Variants in CHST8 observed in about 807,000 individuals in gnomAD.
CHST8 encodes the protein carbohydrate sulfotransferase 8.
CHST8 carries 10 observed loss-of-function variants against 15.0 expected under a neutral mutation model. The observed-to-expected ratio is 0.67, with a 90% confidence interval of 0.41 to 1.13. CHST8 has a LOEUF of 1.13. Ranked by LOEUF, CHST8 falls within the 50% of genes most tolerant of loss-of-function variation. The probability of loss-of-function intolerance (pLI) is 0.00; values close to 1 mark genes in which losing one functional copy is unlikely to be tolerated. For synonymous variants in CHST8, 259 were observed against 256.6 expected, an observed-to-expected ratio of 1.01 and a Z score of -0.09; for missense variants, 634 against 608.2, an observed-to-expected ratio of 1.04 and a Z score of -0.45.
At chr19:33,629,480 C>T (rs1447808688) in intron 1 of CHST8, among the ~76,000 whole-genome samples, 1 of 152,266 alleles carries the variant, frequency 6.6e-6, no homozygotes, top group African/African-American at 2.4e-5. Flanking sequence ...CCGCAGTGCC[C>T]TCTGATGTTG....
intron 3 of CHST8, among the ~76,000 whole-genome samples, chr19:33,697,886 T>C (rs1256585339): frequency 6.6e-6 from 1 of 152,230 alleles, no homozygotes; most frequent in Non-Finnish European, 1.5e-5. Flanking sequence ...CAGCCGGCCC[T>C]GGGCCCAGCA....
chr19:33,726,639 G>A (rs771281991), intron 3 of CHST8, among the ~76,000 whole-genome samples: 6 of 152,164 alleles, frequency 3.9e-5, no homozygotes, highest in Non-Finnish European at 8.8e-5. Flanking sequence ...GGATGGGGCT[G>A]GATCGGTGTC....
At chr19:33,693,115 T>C (rs1038572879) in intron 3 of CHST8, among the ~76,000 whole-genome samples, 1 of 151,760 alleles carries the variant, frequency 6.6e-6, no homozygotes, top group Admixed American at 6.6e-5. Flanking sequence ...CAAGCAATTC[T>C]CCGGCCTCAG....
At chr19:33,761,581 T>G (rs925191135) in intron 3 of CHST8, among the ~76,000 whole-genome samples, 1 of 151,926 alleles carries the variant, frequency 6.6e-6, no homozygotes, top group Admixed American at 6.6e-5. Context: ...TACACCCGCC[T>G]CAGCCTCCCA....
At chr19:33,731,731 A>G (rs1973997512) in intron 3 of CHST8, among the ~76,000 whole-genome samples, 1 of 152,232 alleles carries the variant, frequency 6.6e-6, no homozygotes, top group Non-Finnish European at 1.5e-5. Flanking sequence ...GTTTTCGTGT[A>G]TGCAAACAAT....
At chr19:33,648,447 G>A (rs1456243117) in intron 1 of CHST8, among the ~76,000 whole-genome samples, 1 of 152,076 alleles carries the variant, frequency 6.6e-6, no homozygotes, top group Non-Finnish European at 1.5e-5. Context: ...CTATACATTT[G>A]CCTATTCTGG....
At chr19:33,714,482 T>G (rs115639610) in intron 3 of CHST8, among the ~76,000 whole-genome samples, 5,480 of 152,156 alleles carry the variant, frequency 0.036, 311 homozygotes, top group African/African-American at 0.12. Flanking sequence ...TGATAGACAT[T>G]GGAGACTCAA....
intron 3 of CHST8, among the ~76,000 whole-genome samples, chr19:33,694,272 T>C (rs979220941): frequency 6.9e-6 from 1 of 144,684 alleles, no homozygotes; most frequent in African/African-American, 2.6e-5. Context: ...TTCGTTCTTT[T>C]AATGTTTGGC....
At chr19:33,740,026 A>C (rs1292946281) in intron 3 of CHST8, among the ~76,000 whole-genome samples, 1 of 152,172 alleles carries the variant, frequency 6.6e-6, no homozygotes, top group Non-Finnish European at 1.5e-5. Flanking sequence ...TTTCCATACT[A>C]CTTTTTAAAA....
At chr19:33,716,124 A>G (rs937046418) in intron 3 of CHST8, among the ~76,000 whole-genome samples, 18 of 152,110 alleles carry the variant, frequency 1.2e-4, no homozygotes, top group African/African-American at 4.3e-4. Context: ...TTTTTCACCC[A>G]TTTCAGTGGC....
At chr19:33,639,190 G>A (rs1040284751) in intron 1 of CHST8, among the ~76,000 whole-genome samples, 1 of 151,834 alleles carries the variant, frequency 6.6e-6, no homozygotes, top group Non-Finnish European at 1.5e-5. Flanking sequence ...GCTGCCATTC[G>A]AGATTCTAGC....
Position 33,772,758 on chromosome 19 carries a change from A to G in CHST8, c.970A>G (p.Met324Val). 1 of 1,613,288 alleles carries G rather than the reference A, an allele frequency of 6.2e-7. No homozygotes were observed. The highest frequency in any genetic ancestry group is 8.5e-7 in the Non-Finnish European group (1 of 1,180,014). The stretch of plus-strand genomic sequence containing the variant: ...GCTGGACGTGCACCGGCCCGTGGGG[A>G]TGGACATTCACTGGGACCATGTCAG... ...YLLDVHRPVG[M>V]DIHWDHVSRL... The change falls in exon 5 of 5, where the codon ATG becomes GTG. Residue 324 changes from methionine to valine, a missense_variant. By Grantham distance (21) the Met-to-Val change is conservative (BLOSUM62 1). Transcript: ENST00000650847.
intron 3 of CHST8, among the ~76,000 whole-genome samples, chr19:33,763,381 T>C (rs1174518896): frequency 2.0e-5 from 3 of 152,180 alleles, no homozygotes; most frequent in Non-Finnish European, 4.4e-5. Context: ...ATGACCAGTC[T>C]GATGCAGCTC....
chr19:33,694,126 A>ATATG (rs1973155469), intron 3 of CHST8, among the ~76,000 whole-genome samples: 1 of 96,534 alleles, frequency 1.0e-5, no homozygotes, highest in Non-Finnish European at 2.1e-5. Context: ...ATATATATAT[A>ATATG]TATAAATGCA....
chr19:33,722,644 C>G (rs1178117120), intron 3 of CHST8, among the ~76,000 whole-genome samples: 1 of 152,132 alleles, frequency 6.6e-6, no homozygotes, highest in Non-Finnish European at 1.5e-5. Context: ...TGGGCATTCT[C>G]AATTGGTAAC....
At chr19:33,764,972 T>C (rs113992555) in intron 3 of CHST8, among the ~76,000 whole-genome samples, 3,102 of 151,052 alleles carry the variant, frequency 0.021, 87 homozygotes, top group African/African-American at 0.069. Context: ...TTATTTCACT[T>C]AGAAAAATAG....
chr19:33,708,220 A>G (rs1303426602), intron 3 of CHST8, among the ~76,000 whole-genome samples: 4 of 152,132 alleles, frequency 2.6e-5, no homozygotes, highest in Non-Finnish European at 4.4e-5. Context: ...TCTGGAGTGG[A>G]AAAGTTTCTA....
chr19:33,762,901 G>A (rs561015791), intron 3 of CHST8, among the ~76,000 whole-genome samples: 12 of 146,262 alleles, frequency 8.2e-5, no homozygotes, highest in Admixed American at 2.1e-4. Context: ...TTGCTCTGTC[G>A]CCCAGGCTGG....
At chr19:33,686,800 T>C (rs540091332) in intron 2 of CHST8, among the ~76,000 whole-genome samples, 1 of 152,336 alleles carries the variant, frequency 6.6e-6, no homozygotes, top group East Asian at 1.9e-4. Flanking sequence ...GGGGCCTTGC[T>C]GGGGACCATC....
Sources: allele counts gnomAD v4.1 joint callset (sites outside exome capture counted in the v4.1 genomes callset), GRCh38; gene constraint gnomAD v4.1.1; transcripts MANE v1.5; gene names NCBI Gene and HGNC (gene_info 2026-07-23, HGNC 2026-07-21).